Variants in ESR1 observed in about 807,000 individuals in gnomAD.
The protein encoded by ESR1 is estrogen receptor.
Under a neutral mutation model 52.7 loss-of-function variants are expected in ESR1, and 12 were observed. The observed-to-expected ratio is 0.23, with a 90% CI of 0.15 to 0.37. The LOEUF is 0.37. ESR1 is among the 10% of genes least tolerant of loss of function. The pLI, the probability that ESR1 is intolerant of heterozygous loss-of-function variation, is 1.00. For missense variants in ESR1, 584 were observed against 779.7 expected, an observed-to-expected ratio of 0.75 and a Z score of 2.99; for synonymous variants, 305 against 316.8, an observed-to-expected ratio of 0.96 and a Z score of 0.39.
intron 2 of ESR1, among the ~76,000 whole-genome samples, chr6:151,879,582 G>C (rs775812216): frequency 6.6e-6 from 1 of 152,120 alleles, no homozygotes; most frequent in Non-Finnish European, 1.5e-5. Context: ...ATCAACAAGA[G>C]AGAAAAGAAA....
At chr6:151,697,544 G>A (rs187288290) in intron 1 of ESR1, among the ~76,000 whole-genome samples, 145 of 152,298 alleles carry the variant, frequency 9.5e-4, no homozygotes, top group Non-Finnish European at 1.7e-3. Flanking sequence ...TATTTTTATA[G>A]TAAAATTATT....
At chr6:152,044,696 A>T (rs2046084920) in intron 5 of ESR1, among the ~76,000 whole-genome samples, 1 of 152,216 alleles carries the variant, frequency 6.6e-6, no homozygotes, top group Non-Finnish European at 1.5e-5. Flanking sequence ...GCACAGGAGA[A>T]AGATGGAAGC....
intron 4 of ESR1, among the ~76,000 whole-genome samples, chr6:151,957,220 C>A (rs2037103744): frequency 6.6e-6 from 1 of 152,176 alleles, no homozygotes; most frequent in African/African-American, 2.4e-5. Flanking sequence ...CAACTTTTGC[C>A]ATTGGGCGAC....
At chr6:151,728,047 T>C (rs1344492063) in intron 2 of ESR1, among the ~76,000 whole-genome samples, 1 of 152,160 alleles carries the variant, frequency 6.6e-6, no homozygotes, top group African/African-American at 2.4e-5. Context: ...GTATATCCAA[T>C]GGGAGAGGAG....
intron 1 of ESR1, among the ~76,000 whole-genome samples, chr6:151,829,084 T>A (rs1562450520): frequency 6.6e-6 from 1 of 152,278 alleles, no homozygotes; most frequent in Non-Finnish European, 1.5e-5. Context: ...CTTGCCACTG[T>A]TGAAGTTGTT....
At chr6:152,093,817 T>C (rs2050397180) in intron 6 of ESR1, among the ~76,000 whole-genome samples, 1 of 152,190 alleles carries the variant, frequency 6.6e-6, no homozygotes, top group Non-Finnish European at 1.5e-5. Context: ...TCCAGTCACT[T>C]AGCCAATCGC....
At chr6:151,679,381 G>C (rs1217010424) in intron 1 of ESR1, among the ~76,000 whole-genome samples, 1 of 152,002 alleles carries the variant, frequency 6.6e-6, no homozygotes, top group African/African-American at 2.4e-5. Flanking sequence ...ATGAATTCTT[G>C]CTCCGTCACC....
rs146105686 is a variant in ESR1 at position 152,098,747 on chromosome 6, G to A, written c.1569G>A (p.Glu523=). 1.1e-5 allele frequency: 18 copies of A among 1,614,050 alleles called. No individual in the cohort carries two copies. The highest frequency in any genetic ancestry group is 1.4e-5 in the Non-Finnish European group (16 of 1,179,942). ...HIRHMSNKGM[E]HLYSMKCKNV... is the part of the protein sequence containing the mutation. ...CCACCTACAGTAACAAAGGCATGGAGCATCTGTACAGCATGAAGTGCAAGA... is the reference window on the plus strand; with the variant it reads ...CCACCTACAGTAACAAAGGCATGGAACATCTGTACAGCATGAAGTGCAAGA... The change falls in exon 8 of 8, where the codon GAG becomes GAA. Residue 523 remains glutamate, a synonymous_variant. Transcript: ENST00000206249. This position sits in a 1 kb window ranked among gnomAD's most constrained non-coding sequence, Gnocchi z 5.1.
At chr6:152,120,193 A>G (rs952327839) in intron 6 of ESR1, among the ~76,000 whole-genome samples, 2 of 152,170 alleles carry the variant, frequency 1.3e-5, no homozygotes, top group African/African-American at 4.8e-5. Context: ...CCACGATGAC[A>G]CTCTTCATTG....
chr6:151,689,624 G>A (rs542187801), upstream of ESR1, among the ~76,000 whole-genome samples: 4 of 152,234 alleles, frequency 2.6e-5, no homozygotes, highest in African/African-American at 9.6e-5. Flanking sequence ...GTTTTGAGAT[G>A]CACCTCTTAC....
In ESR1 at chr6:151,846,219, C is replaced by G. The variant is rs551710645; in HGVS notation, c.643+3432C>G. Among the ~76,000 whole-genome samples, 6 of 152,258 alleles carry G rather than the reference C, an allele frequency of 3.9e-5. 1 individual carries two copies. The South Asian group carries it at 8.3e-4, about 21-fold the overall frequency. On this transcript the variant is annotated intron_variant, in intron 2 of 7. Coordinates refer to ENST00000206249, the MANE Select transcript of ESR1 (RefSeq NM_000125.4). ...GGGGAATTCTATGCGTAATATTTAA[C>G]AAAATTAATGTACTGTTAAACAAAG...
At chr6:152,122,278 G>A in intron 6 of ESR1, 1 of 1,137,672 alleles carries the variant, frequency 8.8e-7, no homozygotes. Context: ...TTCCACCTCT[G>A]AAGCCATAAT....
At chr6:151,753,955 T>G (rs1784094003) in intron 2 of ESR1, among the ~76,000 whole-genome samples, 1 of 152,116 alleles carries the variant, frequency 6.6e-6, no homozygotes, top group African/African-American at 2.4e-5. Flanking sequence ...AATTTTATGG[T>G]GCCCAAGATA....
intron 2 of ESR1, among the ~76,000 whole-genome samples, chr6:151,755,209 C>CA (rs761616025): frequency 0.092 from 7,122 of 77,758 alleles, 484 homozygotes; most frequent in African/African-American, 0.22. Flanking sequence ...GACCCTGCCT[C>CA]AAAAAAAAAA....
At chr6:152,051,437 G>A (rs2046670528) in intron 5 of ESR1, among the ~76,000 whole-genome samples, 1 of 152,178 alleles carries the variant, frequency 6.6e-6, no homozygotes, top group South Asian at 2.1e-4. Flanking sequence ...GCAAATCCAT[G>A]CTTCTCTTTC....
At chr6:151,721,546 G>A (rs1481032119) in intron 2 of ESR1, among the ~76,000 whole-genome samples, 1 of 152,212 alleles carries the variant, frequency 6.6e-6, no homozygotes, top group East Asian at 1.9e-4. Flanking sequence ...GAAATTTTTG[G>A]TAGCAAAATC....
intron 4 of ESR1, among the ~76,000 whole-genome samples, chr6:151,965,041 C>G (rs2038123821): frequency 6.6e-6 from 1 of 152,102 alleles, no homozygotes; most frequent in African/African-American, 2.4e-5. Flanking sequence ...ATGTTCAACT[C>G]CTCTAAAACC....
intron 3 of ESR1, among the ~76,000 whole-genome samples, chr6:151,933,094 T>G (rs2033894253): frequency 6.6e-6 from 1 of 152,010 alleles, no homozygotes; most frequent in South Asian, 2.1e-4. Flanking sequence ...GAGCATGGAA[T>G]GTTCTTCCGT....
At chr6:151,659,324 G>C (rs147371687) in intron 1 of ESR1, among the ~76,000 whole-genome samples, 256 of 152,300 alleles carry the variant, frequency 1.7e-3, no homozygotes, top group African/African-American at 5.3e-3. Context: ...GCTAAGGCAA[G>C]TATTGACCAT....
Sources: allele counts gnomAD v4.1 joint callset (sites outside exome capture counted in the v4.1 genomes callset), GRCh38; gene constraint gnomAD v4.1.1; non-coding constraint Gnocchi (gnomAD v3.1); transcripts MANE v1.5; gene names NCBI Gene and HGNC (gene_info 2026-07-23, HGNC 2026-07-21).